PCDHGB5: variants seen among roughly 807,000 people sequenced by gnomAD.
The protein encoded by PCDHGB5 is protocadherin gamma subfamily B, 5.
A neutral mutation model predicts 62.9 loss-of-function variants in PCDHGB5; 48 were observed. The observed-to-expected ratio is 0.76, with a 90% confidence interval of 0.61 to 0.97. The LOEUF (loss-of-function observed/expected upper bound fraction) is 0.97, where lower values mean the gene tolerates loss of function less well. PCDHGB5 is among the 50% of genes least tolerant of loss of function. The probability of loss-of-function intolerance (pLI) is 0.00; values close to 1 mark genes in which losing one functional copy is unlikely to be tolerated. For synonymous variants in PCDHGB5, 474 were observed against 511.2 expected (o/e 0.93, Z 0.98); for missense variants, 1,118 against 1,198.6 (o/e 0.93, Z 0.99).
Position 141,399,689 on chromosome 5 carries a change from T to C in PCDHGB5, c.1562T>C (p.Leu521Pro), listed in dbSNP as rs199516491. 502 of 1,613,550 alleles carry C rather than the reference T, an allele frequency of 3.1e-4. 1 individual carries two copies. Among genetic ancestry groups the C allele is most frequent in the Non-Finnish European group, 3.8e-4 (448 of 1,179,874 alleles). The change falls in exon 1 of 4, where the codon CTG becomes CCG. Residue 521 changes from leucine to proline, a missense_variant. By Grantham distance (98) the Leu-to-Pro change is moderately conservative. Around this residue, in one of 2 missense-constraint regions of PCDHGB5, gnomAD observed 1,034 missense variants for 1,029.1 expected, o/e 1.00. Transcript: ENST00000617380. ...CAGCGCGCCTTTGACTACGAGCAGC[T>C]GCGCACCTTCGAACTCACACTACAG... ...FAQRAFDYEQ[L>P]RTFELTLQAR...
At chr5:141,417,882 G>A (rs1170069976) in intron 1 of PCDHGB5, 8 of 1,560,746 alleles carry the variant, frequency 5.1e-6, no homozygotes, top group African/African-American at 1.4e-5. Flanking sequence ...TGCGCGCAGA[G>A]GCGCCGGGCC....
At position 141,431,968 on chromosome 5, in the gene PCDHGB5, T is replaced by A. The variant is rs571981127; in HGVS notation, c.2397+31444T>A. On this transcript the variant is annotated intron_variant, in intron 1 of 3. Coordinates refer to ENST00000617380, the MANE Select transcript of PCDHGB5 (RefSeq NM_018925.3). The surrounding 1 kb of genome is among the most constrained non-coding windows in gnomAD (Gnocchi z 4.8). Reference sequence around the variant, plus strand: ...AAAAATCTTACGGAAATTACTATAGTTTAGTCACAGACATAGTCTTGGATA... The same window carrying A: ...AAAAATCTTACGGAAATTACTATAGATTAGTCACAGACATAGTCTTGGATA... 1.9e-6 allele frequency: 3 copies of A among 1,614,072 alleles called. No individual in the cohort carries two copies. Among genetic ancestry groups the A allele is most frequent in the Non-Finnish European group, 2.5e-6 (3 of 1,180,014 alleles).
intron 1 of PCDHGB5, chr5:141,415,325 C>T (rs1046074461): frequency 2.2e-5 from 35 of 1,614,212 alleles, no homozygotes; most frequent in East Asian, 6.7e-5. Context: ...GTGCTGCTGG[C>T]GCACAGGCTG....
chr5:141,400,079 C>A lies in PCDHGB5; in HGVS notation c.1952C>A (p.Ser651Tyr). 1 of 1,614,042 alleles carries A rather than the reference C, an allele frequency of 6.2e-7. No individual in the cohort carries two copies. The highest frequency in any genetic ancestry group is 2.2e-5 in the East Asian group (1 of 44,880). The change falls in exon 1 of 4, where the codon TCC becomes TAC. Residue 651 changes from serine to tyrosine, a missense_variant. Ser to Tyr is a moderately radical substitution (Grantham distance 144, BLOSUM62 -2). Transcript: ENST00000617380. ...AVRDGGQPPL[S>Y]ATATLHLVFA... Reference sequence around the variant, plus strand: ...CGTGATGGTGGACAGCCGCCACTCTCCGCCACCGCCACGCTGCACTTGGTC... The same window carrying A: ...CGTGATGGTGGACAGCCGCCACTCTACGCCACCGCCACGCTGCACTTGGTC...
At chr5:141,504,961 G>A (rs995382728) in intron 2 of PCDHGB5, among the ~76,000 whole-genome samples, 2 of 151,928 alleles carry the variant, frequency 1.3e-5, no homozygotes, top group Non-Finnish European at 2.9e-5. Flanking sequence ...TCAATGCATT[G>A]GACCAGCCTG....
chr5:141,448,103 A>G (rs1252710550), intron 1 of PCDHGB5, among the ~76,000 whole-genome samples: 2 of 151,992 alleles, frequency 1.3e-5, no homozygotes, highest in Non-Finnish European at 2.9e-5. Context: ...AAAAAATTAA[A>G]AGAAAAGAAA....
At chr5:141,404,170 G>T in intron 1 of PCDHGB5, 1 of 1,612,740 alleles carries the variant, frequency 6.2e-7, no homozygotes, top group Non-Finnish European at 8.5e-7. Flanking sequence ...GATTGTTGAC[G>T]GCCCAAATTC....
intron 2 of PCDHGB5, among the ~76,000 whole-genome samples, chr5:141,497,336 A>G (rs558221190): frequency 1.6e-3 from 251 of 152,122 alleles, no homozygotes; most frequent in Non-Finnish European, 2.8e-3. Flanking sequence ...TTCACCATTG[A>G]ACCTGGAAGC....
intron 2 of PCDHGB5, among the ~76,000 whole-genome samples, chr5:141,500,329 C>G (rs1384834356): frequency 6.6e-6 from 1 of 151,986 alleles, no homozygotes; most frequent in Non-Finnish European, 1.5e-5. Flanking sequence ...CTGCCTCAGC[C>G]TCCAGAATAG....
At chr5:141,480,221 T>C (rs2099514536) in intron 1 of PCDHGB5, among the ~76,000 whole-genome samples, 1 of 149,748 alleles carries the variant, frequency 6.7e-6, no homozygotes, top group Admixed American at 6.7e-5. Context: ...CTGAGCGACA[T>C]AGTGAGATCC....
intron 1 of PCDHGB5, chr5:141,424,504 G>GT (rs892941709): frequency 6.6e-6 from 1 of 152,016 alleles, no homozygotes; most frequent in African/African-American, 2.4e-5. Context: ...TGTATGGAAG[G>GT]TTTTTTAATG....
chr5:141,479,329 G>A (rs2099493017), intron 1 of PCDHGB5: 1 of 152,490 alleles, frequency 6.6e-6, no homozygotes, highest in African/African-American at 2.4e-5. Context: ...AGACTCAGTG[G>A]TGTGCACCTG....
rs1482297743 is a variant in PCDHGB5 at position 141,403,937 on chromosome 5, G to A, written c.2397+3413G>A. 8 of 1,613,778 alleles carry A rather than the reference G, an allele frequency of 5.0e-6. No individual in the cohort carries two copies. The highest frequency in any genetic ancestry group is 6.8e-6 in the Non-Finnish European group (8 of 1,179,896). On this transcript the variant is annotated intron_variant, in intron 1 of 3. Transcript: ENST00000617380. ...AGCTGAAGATGGTGGGGGATTGAAA[G>A]GGTGGACAAAAGTGCTCATTTCGGT...
chr5:141,458,413 G>T lies in PCDHGB5; in HGVS notation c.2398-36394G>T, dbSNP rs138479316. On this transcript the variant is annotated intron_variant, in intron 1 of 3. Coordinates refer to ENST00000617380, the MANE Select transcript of PCDHGB5 (RefSeq NM_018925.3). ...TCCCCCTTGCAGAGACGGAGCGGGG[G>T]TTCCAAAGCTGAAAGAGGAGGTCCC... Among the ~76,000 whole-genome samples the T allele has an allele frequency of 9.0e-4, 137 of 152,196 alleles. 5 individuals carry two copies. The East Asian group carries it at 0.026, about 28-fold the overall frequency.
chr5:141,422,286 T>C, intron 1 of PCDHGB5: 2 of 1,554,938 alleles, frequency 1.3e-6, no homozygotes, highest in Non-Finnish European at 1.7e-6. Flanking sequence ...TCACCTCTTC[T>C]ATTAATTCAA....
intron 1 of PCDHGB5, chr5:141,410,073 G>T: frequency 6.2e-7 from 1 of 1,612,940 alleles, no homozygotes; most frequent in South Asian, 1.1e-5. Context: ...CTGCGCACTG[G>T]GGAGGTGCGC....
intron 3 of PCDHGB5, among the ~76,000 whole-genome samples, chr5:141,506,198 C>T (rs985517638): frequency 3.3e-5 from 5 of 152,156 alleles, no homozygotes; most frequent in Admixed American, 6.5e-5. Context: ...CGCCTGTAAT[C>T]CCAGCACTTT....
rs1416883218 is a variant in PCDHGB5, at chr5:141,428,027, G to A, written c.2397+27503G>A. On this transcript the variant is annotated intron_variant, in intron 1 of 3. Coordinates refer to ENST00000617380, the MANE Select transcript of PCDHGB5 (RefSeq NM_018925.3). ...TCGATATAGTGCCACGCGCCGCAGAGTCCGGCTACCTGGTGACCAAGGTGG... is the reference window on the plus strand; with the variant it reads ...TCGATATAGTGCCACGCGCCGCAGAATCCGGCTACCTGGTGACCAAGGTGG... 1.9e-6 allele frequency: 3 copies of A among 1,606,742 alleles called. No homozygotes were observed. The Admixed American group carries it at 5.0e-5, about 27-fold the overall frequency.
In PCDHGB5 at chr5:141,433,358, C is replaced by CCTATCTATCTATCTAT. The variant is rs3074541; in HGVS notation, c.2397+32867_2397+32882dup. ...ACAGGTGCAAGCCACCTACTGTCTG[C>CCTATCTATCTATCTAT]CTATCTATCTATCTATCTATCTATC... On this transcript the variant is annotated intron_variant, in intron 1 of 3. Coordinates refer to ENST00000617380, the MANE Select transcript of PCDHGB5 (RefSeq NM_018925.3). 1.1e-3 allele frequency: 566 copies of CCTATCTATCTATCTAT among 504,038 alleles called. 2 individuals carry two copies. The highest frequency in any genetic ancestry group is 1.7e-3 in the East Asian group (49 of 28,778). The allele number at this position is 504,038 out of a possible 1,614,324, so 31.2% of individuals were successfully genotyped here.
Sources: gnomAD v4.1 joint callset for allele counts (sites outside exome capture counted in the v4.1 genomes callset) on GRCh38, gnomAD v4.1.1 for gene constraint, gnomAD v4.1.1 regional missense constraint, Gnocchi (gnomAD v3.1) non-coding constraint, MANE v1.5 for transcripts, NCBI Gene and HGNC (gene_info 2026-07-23, HGNC 2026-07-21) for gene names.